The following NR3C2 variants were observed in gnomAD, a reference collection of about 807,000 sequenced individuals.
The protein encoded by NR3C2 is mineralocorticoid receptor.
In NR3C2, 15 loss-of-function variants were observed where a neutral mutation model predicts 86.4. That is an observed-to-expected ratio of 0.17 (90% CI 0.12 to 0.27). The LOEUF (loss-of-function observed/expected upper bound fraction) is 0.27. Ranked by LOEUF, NR3C2 falls within the 10% of genes least tolerant of loss-of-function variation. The pLI, the probability that NR3C2 is intolerant of heterozygous loss-of-function variation, is 1.00. For missense variants in NR3C2, 960 were observed against 1,195.6 expected (o/e 0.80, Z 2.91); for synonymous variants, 458 against 450.5 (o/e 1.02, Z -0.21).
intron 3 of NR3C2, among the ~76,000 whole-genome samples, chr4:148,219,312 G>C (rs888335012): frequency 2.0e-5 from 3 of 152,120 alleles, no homozygotes; most frequent in African/African-American, 7.2e-5. Flanking sequence ...ATCTAAAAGA[G>C]TTGTCATCTT....
At chr4:148,148,447 C>A (rs1385357924) in intron 6 of NR3C2, among the ~76,000 whole-genome samples, 3 of 152,146 alleles carry the variant, frequency 2.0e-5, no homozygotes, top group Non-Finnish European at 4.4e-5. Flanking sequence ...GAAATGTCAC[C>A]CCATCACTTA....
intron 2 of NR3C2, among the ~76,000 whole-genome samples, chr4:148,398,760 T>C (rs1747987908): frequency 6.6e-6 from 1 of 152,208 alleles, no homozygotes; most frequent in Non-Finnish European, 1.5e-5. Context: ...GCTTACATTC[T>C]AGTAGAGACA....
intron 1 of NR3C2, among the ~76,000 whole-genome samples, chr4:148,441,565 C>T (rs894624698): frequency 2.0e-5 from 3 of 152,172 alleles, no homozygotes; most frequent in Admixed American, 6.5e-5. Flanking sequence ...AAGCCACGCA[C>T]CTAAAATTCA....
chr4:148,412,322 T>C (rs1181175314), intron 2 of NR3C2, among the ~76,000 whole-genome samples: 1 of 152,198 alleles, frequency 6.6e-6, no homozygotes, highest in Non-Finnish European at 1.5e-5. Flanking sequence ...CCTTAATCAC[T>C]TATTTTCCTG....
Position 148,152,734 on chromosome 4 carries a change from C to T in NR3C2, c.2366-121G>A, listed in dbSNP as rs1268500206. The T allele has an allele frequency of 2.4e-5, 23 of 960,048 alleles. No homozygotes were observed. The East Asian group carries it at 6.0e-4, about 25-fold the overall frequency. 59.5% of individuals were successfully genotyped at this position (960,048 alleles called of 1,614,324 possible). A position where few individuals can be genotyped will look rare whatever the true frequency, so the allele number is the denominator to read the frequency against. Reference sequence around the variant, plus strand: ...TTTCACTTTTCTCTTTTCTGACAGACTCAAATCAATTCAACAGTCATTTAC... The same window carrying T: ...TTTCACTTTTCTCTTTTCTGACAGATTCAAATCAATTCAACAGTCATTTAC... On this transcript the variant is annotated intron_variant, in intron 5 of 8. Coordinates refer to ENST00000358102, the MANE Select transcript of NR3C2 (RefSeq NM_000901.5).
At chr4:148,101,159 G>A (rs1220480305) in intron 8 of NR3C2, among the ~76,000 whole-genome samples, 1 of 152,160 alleles carries the variant, frequency 6.6e-6, no homozygotes, top group Non-Finnish European at 1.5e-5. Context: ...TTATGCTTGT[G>A]TATTTTACAA....
intron 2 of NR3C2, among the ~76,000 whole-genome samples, chr4:148,354,743 G>C (rs1327125093): frequency 6.6e-6 from 1 of 151,756 alleles, no homozygotes; most frequent in Non-Finnish European, 1.5e-5. Flanking sequence ...ATCTCCAAAA[G>C]AAACAAATTT....
At chr4:148,407,686 GC>G (rs11325949) in intron 2 of NR3C2, among the ~76,000 whole-genome samples, 151,321 of 152,252 alleles carry the variant, frequency 0.99, 75,206 homozygotes, top group East Asian at 1. Context: ...TCTATCAGAG[GC>G]CCCCCCTTCA....
intron 4 of NR3C2, among the ~76,000 whole-genome samples, chr4:148,177,743 A>G (rs576695479): frequency 6.6e-6 from 1 of 152,298 alleles, no homozygotes; most frequent in East Asian, 1.9e-4. Flanking sequence ...GACTGAGTGT[A>G]TTAACCTATG....
intron 3 of NR3C2, among the ~76,000 whole-genome samples, chr4:148,223,354 A>G (rs1737965633): frequency 6.6e-6 from 1 of 152,170 alleles, no homozygotes; most frequent in Admixed American, 6.5e-5. Context: ...ACTACCATGT[A>G]TTGTTAGTGT....
In NR3C2 at chr4:148,081,021, G is replaced by T. The variant is rs1730528576; in HGVS notation, c.*323C>A. The T allele has an allele frequency of 2.6e-6, 1 of 388,306 alleles. No individual in the cohort carries two copies. Among genetic ancestry groups the T allele is most frequent in the South Asian group, 2.2e-5 (1 of 44,950 alleles). 24.1% of individuals were successfully genotyped at this position (388,306 alleles called of 1,614,324 possible). A position where few individuals can be genotyped will look rare whatever the true frequency, so the allele number is the denominator to read the frequency against. On this transcript the variant is annotated 3_prime_UTR_variant, in exon 9 of 9. Coordinates refer to ENST00000358102, the MANE Select transcript of NR3C2 (RefSeq NM_000901.5). Reference sequence around the variant, plus strand: ...AGCGAACGATACCAGAAACTACACGGCATAGTTAAAACTTCTTCCATCTGT... The same window carrying T: ...AGCGAACGATACCAGAAACTACACGTCATAGTTAAAACTTCTTCCATCTGT...
At chr4:148,418,588 T>C (rs1012131529) in intron 2 of NR3C2, among the ~76,000 whole-genome samples, 3 of 152,210 alleles carry the variant, frequency 2.0e-5, no homozygotes, top group African/African-American at 7.2e-5. Flanking sequence ...ATGGAATCTC[T>C]TAGGTCATAC....
chr4:148,412,222 C>T (rs530403462), intron 2 of NR3C2, among the ~76,000 whole-genome samples: 75 of 152,238 alleles, frequency 4.9e-4, no homozygotes, highest in African/African-American at 1.7e-3. Context: ...ACACAACCTC[C>T]GCTGCAGACA....
chr4:148,098,150 T>C (rs1414876409), intron 8 of NR3C2, among the ~76,000 whole-genome samples: 1 of 152,220 alleles, frequency 6.6e-6, no homozygotes, highest in Non-Finnish European at 1.5e-5. Context: ...TCTTGGTGTA[T>C]TGACTTGCTG....
intron 2 of NR3C2, among the ~76,000 whole-genome samples, chr4:148,277,870 G>A (rs1279213434): frequency 1.3e-5 from 2 of 152,078 alleles, no homozygotes; most frequent in Admixed American, 6.6e-5. Context: ...CCAAGACCCA[G>A]AAATGCAGGA....
At chr4:148,307,596 T>C (rs2149931709) in intron 2 of NR3C2, among the ~76,000 whole-genome samples, 1 of 152,294 alleles carries the variant, frequency 6.6e-6, no homozygotes, top group African/African-American at 2.4e-5. Flanking sequence ...CATGCCCATG[T>C]GATCTTCATT....
At chr4:148,107,023 G>T (rs540883747) in intron 8 of NR3C2, among the ~76,000 whole-genome samples, 7 of 152,090 alleles carry the variant, frequency 4.6e-5, no homozygotes, top group Non-Finnish European at 8.8e-5. Context: ...ATTTAATCAC[G>T]CTAAAGAGCT....
chr4:148,215,866 G>A (rs1396154469), intron 3 of NR3C2, among the ~76,000 whole-genome samples: 1 of 146,582 alleles, frequency 6.8e-6, no homozygotes, highest in Non-Finnish European at 1.5e-5. Flanking sequence ...TGCAAGCCCT[G>A]CCTCCTGGGT....
intron 2 of NR3C2, among the ~76,000 whole-genome samples, chr4:148,431,599 A>G (rs909711562): frequency 5.3e-5 from 8 of 152,172 alleles, no homozygotes; most frequent in African/African-American, 1.9e-4. Flanking sequence ...GTGCTCAGAC[A>G]ATCCATTCAC....
Sources: allele counts gnomAD v4.1 joint callset (sites outside exome capture counted in the v4.1 genomes callset), GRCh38; gene constraint gnomAD v4.1.1; transcripts MANE v1.5; gene names NCBI Gene and HGNC (gene_info 2026-07-23, HGNC 2026-07-21).